FGD4: variants seen among roughly 807,000 people sequenced by gnomAD.
The protein encoded by FGD4 is FYVE, RhoGEF and PH domain containing 4.
A neutral mutation model predicts 102.0 loss-of-function variants in FGD4; 42 were observed. The ratio of observed to expected loss-of-function variants is 0.41; its 90% confidence interval spans 0.32 to 0.53. The LOEUF is 0.53. Ranked by LOEUF, FGD4 falls within the 20% of genes least tolerant of loss-of-function variation. The pLI is 0.21. For missense variants in FGD4, 902 were observed against 1,078.2 expected (o/e 0.84, Z 2.29); for synonymous variants, 380 against 375.7 (o/e 1.01, Z -0.13).
chr12:32,562,532 T>C (rs1303253720), intron 1 of FGD4, among the ~76,000 whole-genome samples: 1 of 152,226 alleles, frequency 6.6e-6, no homozygotes, highest in Non-Finnish European at 1.5e-5. Context: ...CAAAGGTCTC[T>C]GGTTTTCCTA....
At chr12:32,447,573 A>C (rs574392334) in intron 1 of FGD4, among the ~76,000 whole-genome samples, 85 of 152,346 alleles carry the variant, frequency 5.6e-4, no homozygotes, top group African/African-American at 2.0e-3. Flanking sequence ...GAGATGGCCC[A>C]TTTGTAATAT....
chr12:32,529,185 G>A (rs548859264), intron 1 of FGD4, among the ~76,000 whole-genome samples: 120 of 152,182 alleles, frequency 7.9e-4, no homozygotes, highest in Non-Finnish European at 1.0e-3. Context: ...CGCAATCTTG[G>A]CTCACTGCAA....
At chr12:32,482,464 C>A (rs1178256095) in intron 1 of FGD4, among the ~76,000 whole-genome samples, 1 of 152,138 alleles carries the variant, frequency 6.6e-6, no homozygotes, top group Non-Finnish European at 1.5e-5. Context: ...TCGAAGTGAC[C>A]TTGAGGAAGT....
At position 32,568,224 on chromosome 12, in the gene FGD4, CAGAA is replaced by C. The variant is rs1259819985; in HGVS notation, c.319+3947_319+3950del. On this transcript the variant is annotated intron_variant, in intron 2 of 16. Transcript: ENST00000534526. ...CAGCCCTTTGCTATTTCAAAATCAG[CAGAA>C]AGAAAGAAAGATAAATTTTAGATTA... 8.5e-5 allele frequency among the ~76,000 whole-genome samples: 13 copies of C among 152,254 alleles called. No homozygotes were observed. The East Asian group carries it at 1.2e-3, about 14-fold the overall frequency.
intron 1 of FGD4, among the ~76,000 whole-genome samples, chr12:32,408,198 C>T (rs1365035106): frequency 2.1e-5 from 3 of 142,196 alleles, no homozygotes; most frequent in Admixed American, 7.2e-5. Context: ...GACAGAATTT[C>T]GCTCTCGTTG....
intron 1 of FGD4, among the ~76,000 whole-genome samples, chr12:32,548,248 A>C (rs1354910044): frequency 6.6e-6 from 1 of 152,154 alleles, no homozygotes; most frequent in African/African-American, 2.4e-5. Flanking sequence ...GGGTGGTTGG[A>C]TTATAGATCT....
chr12:32,576,518 A>G (rs1223751875), intron 3 of FGD4, 69 bp downstream of exon 3: 2 of 1,509,318 alleles, frequency 1.3e-6, no homozygotes, highest in African/African-American at 1.4e-5. Flanking sequence ...AATGATAGTC[A>G]TAGATACATT....
At chr12:32,583,863 A>G (rs1338207417) in intron 4 of FGD4, among the ~76,000 whole-genome samples, 1 of 152,252 alleles carries the variant, frequency 6.6e-6, no homozygotes, top group South Asian at 2.1e-4. Flanking sequence ...GTGAACCATG[A>G]TGGAAGGAAG....
At chr12:32,572,072 G>T (rs557031560) in intron 2 of FGD4, among the ~76,000 whole-genome samples, 2 of 137,914 alleles carry the variant, frequency 1.5e-5, no homozygotes, top group Admixed American at 1.4e-4. Context: ...GTGTGCGTGC[G>T]TGTGTGTATG....
chr12:32,607,982 C>T lies in FGD4; in HGVS notation c.1430C>T (p.Thr477Ile). 6.2e-7 allele frequency: 1 copy of T among 1,614,232 alleles called. No homozygotes were observed. Among genetic ancestry groups the T allele is most frequent in the East Asian group, 2.2e-5 (1 of 44,894 alleles). Residue 477 changes from threonine (T) to isoleucine (I), a missense_variant, in exon 8 of 17, where the codon ACT becomes ATT. Coordinates refer to ENST00000534526, the MANE Select transcript of FGD4 (RefSeq NM_001370298.3). The part of the protein sequence containing the change: ...IQKQKICGSL[T>I]LQHHMLEPVQ... ...AAACAGAAAATCTGTGGGAGCTTAA[C>T]TTTGCAGCATCACATGCTAGAACCT...
chr12:32,453,235 A>G (rs1228270910), intron 1 of FGD4, among the ~76,000 whole-genome samples: 1 of 49,782 alleles, frequency 2.0e-5, no homozygotes, highest in African/African-American at 7.7e-5. Flanking sequence ...AGATATATAT[A>G]TATTTTTTTT....
intron 1 of FGD4, among the ~76,000 whole-genome samples, chr12:32,555,875 A>G (rs1197698005): frequency 6.6e-6 from 1 of 152,036 alleles, no homozygotes. Flanking sequence ...CAGCCGAGAC[A>G]AGGTCTTTCA....
intron 4 of FGD4, among the ~76,000 whole-genome samples, chr12:32,596,887 A>T (rs1270013503): frequency 6.6e-6 from 1 of 151,748 alleles, no homozygotes; most frequent in Non-Finnish European, 1.5e-5. Flanking sequence ...GTGAGCCGAG[A>T]TCATGCCATT....
chr12:32,491,143 A>AAC (rs959577356), intron 1 of FGD4, among the ~76,000 whole-genome samples: 2 of 150,934 alleles, frequency 1.3e-5, no homozygotes, highest in East Asian at 2.0e-4. Context: ...AAAAAAAAAA[A>AAC]AAAAAAACAA....
At chr12:32,407,005 G>A (rs1477385072) in intron 1 of FGD4, among the ~76,000 whole-genome samples, 1 of 151,748 alleles carries the variant, frequency 6.6e-6, no homozygotes, top group African/African-American at 2.4e-5. Flanking sequence ...TAGAGATGGG[G>A]TTTCACCATC....
At chr12:32,505,845 A>T (rs1196781875) in intron 1 of FGD4, among the ~76,000 whole-genome samples, 7 of 151,890 alleles carry the variant, frequency 4.6e-5, no homozygotes, top group Non-Finnish European at 1.0e-4. Context: ...TTACCAGTTT[A>T]CTCGTCCTGA....
chr12:32,404,410 A>T (rs1940835425), intron 1 of FGD4, among the ~76,000 whole-genome samples: 1 of 152,120 alleles, frequency 6.6e-6, no homozygotes, highest in Admixed American at 6.6e-5. Context: ...CTATTGATTG[A>T]ATTCTGGCAC....
intron 3 of FGD4, among the ~76,000 whole-genome samples, chr12:32,576,655 C>T (rs562775953): frequency 1.1e-4 from 17 of 152,294 alleles, no homozygotes; most frequent in African/African-American, 4.1e-4. Flanking sequence ...TAGCTAGGTA[C>T]AGTACTGTAG....
intron 1 of FGD4, among the ~76,000 whole-genome samples, chr12:32,454,773 C>T (rs937177593): frequency 5.9e-5 from 9 of 152,154 alleles, no homozygotes; most frequent in Non-Finnish European, 8.8e-5. Context: ...AAATTGACCG[C>T]AGTACAATTT....
Sources: allele counts gnomAD v4.1 joint callset (sites outside exome capture counted in the v4.1 genomes callset), GRCh38; gene constraint gnomAD v4.1.1; transcripts MANE v1.5; gene names NCBI Gene and HGNC (gene_info 2026-07-23, HGNC 2026-07-21).